Variants in TMEM255A observed in about 807,000 individuals in gnomAD.
The protein encoded by TMEM255A is transmembrane protein 255A, also known as family with sequence similarity 70, member A.
TMEM255A carries 14 observed loss-of-function variants against 23.5 expected under a neutral mutation model. The ratio of observed to expected loss-of-function variants is 0.60; its 90% CI spans 0.39 to 0.93. The LOEUF is 0.93. Among genes scored for constraint, TMEM255A ranks in the 40% least tolerant of loss-of-function variants. The probability of loss-of-function intolerance (pLI) is 0.00; values close to 1 mark genes in which losing one functional copy is unlikely to be tolerated. For missense variants in TMEM255A, 233 were observed against 261.7 expected, an observed-to-expected ratio of 0.89 and a Z score of 0.76; for synonymous variants, 104 against 100.3, an observed-to-expected ratio of 1.04 and a Z score of -0.22.
intron 6 of TMEM255A, among the ~76,000 whole-genome samples, chrX:120,279,998 CTTTTTTTTTTT>C (rs59428362): frequency 2.6e-5 from 1 of 38,226 alleles, no homozygotes; most frequent in Non-Finnish European, 4.3e-5. Context: ...CCTTTTCTTT[CTTTTTTTTTTT>C]TTTTTTTTTT....
Position 120,293,992 on chromosome X carries a change from C to T in TMEM255A, c.261G>A (p.Gln87=). 2.5e-6 allele frequency: 3 copies of T among 1,185,838 alleles called. No individual in the cohort carries two copies. The highest frequency in any genetic ancestry group is 2.2e-5 in the Admixed American group (1 of 45,381). ...IGSNLIENKR[Q]MLVASIVFIS... ...TCTATAAGGGATGAAAACTTACCATCTGCCTTTTGTTCTCAATAAGGTTTG... is the reference window on the plus strand; with the variant it reads ...TCTATAAGGGATGAAAACTTACCATTTGCCTTTTGTTCTCAATAAGGTTTG... The change falls in exon 3 of 9, where the codon CAG becomes CAA. Residue 87 remains glutamine (Q), a synonymous_variant. Transcript: ENST00000371369.
intron 4 of TMEM255A, among the ~76,000 whole-genome samples, chrX:120,289,358 T>A (rs1353693240): frequency 8.9e-6 from 1 of 112,064 alleles, no homozygotes; most frequent in Non-Finnish European, 1.9e-5. Flanking sequence ...TAGTGGTCAT[T>A]AGAGGAAACT....
At position 120,282,528 on chromosome X, in the gene TMEM255A, C is replaced by T. The variant is rs549329863; in HGVS notation, c.512+2599G>A. 3.8e-4 allele frequency among the ~76,000 whole-genome samples: 43 copies of T among 111,849 alleles called. No individual in the cohort carries two copies. The South Asian group carries it at 0.014, about 38-fold the overall frequency. On this transcript the variant is annotated intron_variant, in intron 6 of 8. Transcript: ENST00000371369. ...AGTTCTTCTTTTTGTTCCTTTTCAA[C>T]AAATATCACTCCCTTTTCATCGGCT...
chrX:120,253,297 G>T, the TMEM255A span: 134 of 776,801 alleles, frequency 1.7e-4, no homozygotes, highest in African/African-American at 1.2e-3. Context: ...AAATTATGCT[G>T]AACTTTGGTT....
intron 6 of TMEM255A, among the ~76,000 whole-genome samples, chrX:120,283,889 T>C (rs1164830497): frequency 2.7e-5 from 3 of 111,137 alleles, no homozygotes; most frequent in African/African-American, 9.8e-5. Flanking sequence ...AAGTCATTCC[T>C]ATGGCCAATG....
At chrX:120,285,867 C>T (rs782733284) in intron 5 of TMEM255A, 66 of 1,197,203 alleles carry the variant, frequency 5.5e-5, no homozygotes, top group Admixed American at 3.7e-4. Context: ...GTTTTAAAAA[C>T]GGAAAAGAAT....
chrX:120,256,491 G>A (rs1469903835), downstream of TMEM255A: 3 of 121,577 alleles, frequency 2.5e-5, no homozygotes, highest in Non-Finnish European at 3.8e-5. Flanking sequence ...TTTTCCTTTC[G>A]GCAAGATTTG....
At chrX:120,282,980 G>C (rs1287914392) in intron 6 of TMEM255A, among the ~76,000 whole-genome samples, 2 of 110,800 alleles carry the variant, frequency 1.8e-5, no homozygotes, top group African/African-American at 6.6e-5. Flanking sequence ...AAATGGGAAA[G>C]GAGAGGAGAG....
chrX:120,254,333 C>G (rs1310179629), downstream of TMEM255A: 1 of 1,211,809 alleles, frequency 8.3e-7, no homozygotes, highest in Non-Finnish European at 1.1e-6. Context: ...CCTCTTCAAT[C>G]AATTTACTTG....
At chrX:120,261,083 C>G (rs2057676703) in intron 8 of TMEM255A, 55 bp from the exon 9 acceptor site, 2 of 1,151,573 alleles carry the variant, frequency 1.7e-6, no homozygotes, top group Non-Finnish European at 2.3e-6. Flanking sequence ...ATTCCCTGAA[C>G]AGTCATTACT....
chrX:120,296,891 TGA>T lies in TMEM255A; in HGVS notation c.202-2842_202-2841del, dbSNP rs1192741921. Among the ~76,000 whole-genome samples the T allele has an allele frequency of 1.5e-3, 16 of 10,814 alleles. 2 individuals carry two copies. Among genetic ancestry groups the T allele is most frequent in the Admixed American group, 2.4e-3 (1 of 413 alleles). The allele number at this position is 10,814 out of a possible 115,157, so 9.4% of individuals were successfully genotyped here. A position where few individuals can be genotyped will look rare whatever the true frequency, so the allele number is the denominator to read the frequency against. On this transcript the variant is annotated intron_variant, in intron 2 of 8. Transcript: ENST00000371369. ...TATTATATATCATATATATTATATA[TGA>T]TATATATAATATTATATATATATTA... is the stretch of plus-strand genomic sequence containing the variant.
At chrX:120,261,051 TAG>T (rs2057676438) in intron 8 of TMEM255A, 23 bp from the exon 9 acceptor site, 1 of 997,518 alleles carries the variant, frequency 1.0e-6, no homozygotes, top group Non-Finnish European at 1.4e-6. Context: ...AAGAAAACGT[TAG>T]TTTAGGCAGT....
At chrX:120,301,983 T>A (rs2058036181) in intron 2 of TMEM255A, among the ~76,000 whole-genome samples, 1 of 112,076 alleles carries the variant, frequency 8.9e-6, no homozygotes, top group African/African-American at 3.2e-5. Flanking sequence ...TCCCCTTTAT[T>A]TTATGTAATT....
intron 7 of TMEM255A, among the ~76,000 whole-genome samples, chrX:120,269,897 T>C (rs1603400401): frequency 8.9e-6 from 1 of 112,453 alleles, no homozygotes; most frequent in East Asian, 2.8e-4. Context: ...CCAGCTCTTC[T>C]ATCTAAATAA....
intron 2 of TMEM255A, among the ~76,000 whole-genome samples, chrX:120,301,109 C>T (rs906552705): frequency 3.6e-5 from 4 of 111,196 alleles, no homozygotes; most frequent in Non-Finnish European, 7.5e-5. Context: ...TCTCTTAGAA[C>T]GATGATACCA....
chrX:120,268,610 A>C (rs782255177), intron 7 of TMEM255A, among the ~76,000 whole-genome samples: 33 of 112,022 alleles, frequency 2.9e-4, no homozygotes, highest in Non-Finnish European at 4.7e-4. Flanking sequence ...AAAGACCCCC[A>C]AAATTATACA....
intron 8 of TMEM255A, among the ~76,000 whole-genome samples, chrX:120,266,468 G>T (rs919913633): frequency 1.8e-5 from 2 of 111,178 alleles, no homozygotes; most frequent in African/African-American, 6.6e-5. Context: ...CCAAGTCACC[G>T]TTGGCATTCT....
chrX:120,283,442 T>C (rs2057850403), intron 6 of TMEM255A, among the ~76,000 whole-genome samples: 1 of 110,861 alleles, frequency 9.0e-6, no homozygotes, highest in Admixed American at 9.6e-5. Context: ...CCAGAGTAAC[T>C]GACCCCAAAA....
Position 120,260,840 on chromosome X carries a change from A to G in TMEM255A, c.*30T>C. 2 of 1,199,938 alleles carry G rather than the reference A, an allele frequency of 1.7e-6. No homozygotes were observed. Among genetic ancestry groups the G allele is most frequent in the Non-Finnish European group, 2.2e-6 (2 of 891,519 alleles). ...CTGAAGCAGAAATACAAAAGCCACA[A>G]TAATCTCAATAGCCAGCAGGCATTC... On this transcript the variant is annotated 3_prime_UTR_variant, in exon 9 of 9. Coordinates refer to ENST00000371369, the MANE Select transcript of TMEM255A (RefSeq NM_001104544.3).
Sources: gnomAD v4.1 joint callset for allele counts (sites outside exome capture counted in the v4.1 genomes callset) on GRCh38, gnomAD v4.1.1 for gene constraint, MANE v1.5 for transcripts, NCBI Gene and HGNC (gene_info 2026-07-23, HGNC 2026-07-21) for gene names.